Variants in ERCC6L2 observed in about 807,000 individuals in gnomAD.
ERCC6L2 encodes the protein DNA excision repair protein ERCC-6-like 2.
ERCC6L2 carries 77 observed loss-of-function variants against 132.0 expected under a neutral mutation model. That is an observed-to-expected ratio of 0.58 (90% CI 0.49 to 0.71). The LOEUF (loss-of-function observed/expected upper bound fraction) is 0.71. Among genes scored for constraint, ERCC6L2 ranks in the 30% least tolerant of loss-of-function variants. The probability of loss-of-function intolerance (pLI) is 0.00; values close to 1 mark genes in which losing one functional copy is unlikely to be tolerated. For missense variants in ERCC6L2, 1,542 were observed against 1,837.6 expected, an observed-to-expected ratio of 0.84 and a Z score of 2.94; for synonymous variants, 583 against 632.4, an observed-to-expected ratio of 0.92 and a Z score of 1.17.
chr9:95,925,182 A>G (rs942460247), intron 9 of ERCC6L2, among the ~76,000 whole-genome samples: 1 of 152,118 alleles, frequency 6.6e-6, no homozygotes, highest in South Asian at 2.1e-4. Context: ...TACACTTATG[A>G]CCCCACCTCT....
chr9:95,986,482 TCA>T (rs1421509410), intron 17 of ERCC6L2, among the ~76,000 whole-genome samples: 2 of 150,828 alleles, frequency 1.3e-5, no homozygotes, highest in Admixed American at 1.3e-4. Flanking sequence ...ATGATTGTCT[TCA>T]TATATCTCTC....
intron 6 of ERCC6L2, among the ~76,000 whole-genome samples, chr9:95,919,172 T>C (rs1263616160): frequency 6.6e-6 from 1 of 152,164 alleles, no homozygotes; most frequent in African/African-American, 2.4e-5. Context: ...GTGTCTACAT[T>C]TCTGAGCCTG....
At chr9:95,909,061 T>C (rs897809251) in intron 4 of ERCC6L2, among the ~76,000 whole-genome samples, 5 of 152,192 alleles carry the variant, frequency 3.3e-5, no homozygotes, top group African/African-American at 1.2e-4. Flanking sequence ...TTGTGAAAAC[T>C]AGCCCCTCAA....
At chr9:95,894,962 G>C (rs1214730668) in intron 2 of ERCC6L2, among the ~76,000 whole-genome samples, 1 of 152,152 alleles carries the variant, frequency 6.6e-6, no homozygotes, top group Non-Finnish European at 1.5e-5. Flanking sequence ...GTAGTGTGCA[G>C]TGTTCTAGCA....
chr9:95,877,411 A>G (rs953019662), intron 1 of ERCC6L2, among the ~76,000 whole-genome samples: 2 of 151,398 alleles, frequency 1.3e-5, no homozygotes, highest in African/African-American at 4.9e-5. Context: ...TTTAAATTAC[A>G]TTTCTCAATA....
chr9:95,983,194 T>C (rs1832958894), intron 17 of ERCC6L2, among the ~76,000 whole-genome samples: 1 of 152,222 alleles, frequency 6.6e-6, no homozygotes, highest in African/African-American at 2.4e-5. Context: ...AGTCCAGTCC[T>C]TTAATTTTAT....
intron 4 of ERCC6L2, among the ~76,000 whole-genome samples, chr9:95,910,840 TC>T (rs371183919): frequency 0.018 from 2,708 of 152,278 alleles, 86 homozygotes; most frequent in African/African-American, 0.061. Flanking sequence ...AAATAATTTT[TC>T]TAGGCCTTCA....
intron 4 of ERCC6L2, among the ~76,000 whole-genome samples, chr9:95,910,276 ATTG>A (rs939468167): frequency 1.3e-5 from 2 of 152,146 alleles, no homozygotes; most frequent in South Asian, 2.1e-4. Context: ...TGCATTTATG[ATTG>A]TTATTTTTTC....
intron 9 of ERCC6L2, among the ~76,000 whole-genome samples, chr9:95,926,330 A>G (rs555608245): frequency 2.2e-4 from 33 of 152,338 alleles, no homozygotes; most frequent in African/African-American, 7.9e-4. Context: ...CATCCCGACA[A>G]GAACCTATGA....
At chr9:95,985,797 T>C (rs1374412912) in intron 17 of ERCC6L2, among the ~76,000 whole-genome samples, 1 of 152,204 alleles carries the variant, frequency 6.6e-6, no homozygotes, top group Non-Finnish European at 1.5e-5. Context: ...TGACATGAAT[T>C]ATGTACCAAT....
At chr9:95,892,232 T>C (rs1016511804) in intron 2 of ERCC6L2, among the ~76,000 whole-genome samples, 1 of 152,118 alleles carries the variant, frequency 6.6e-6, no homozygotes, top group East Asian at 1.9e-4. Flanking sequence ...ATTAATAAAT[T>C]ACTGCATACT....
chr9:95,928,943 GATTA>G lies in ERCC6L2; in HGVS notation c.1751+83_1751+86del, dbSNP rs1271851452. On this transcript the variant is annotated intron_variant, in intron 11 of 18. Coordinates refer to ENST00000653738, the MANE Select transcript of ERCC6L2 (RefSeq NM_020207.7). ...AGCATAATTTTTAAAACTATTACTG[GATTA>G]ATTTTTAATGGCTATGCTTATTTAG... is the stretch of plus-strand genomic sequence containing the variant. The G allele has an allele frequency of 4.5e-6, 5 of 1,120,618 alleles. No homozygotes were observed. The East Asian group carries it at 1.1e-4, about 26-fold the overall frequency. 69.4% of individuals were successfully genotyped at this position (1,120,618 alleles called of 1,614,324 possible).
At chr9:95,885,073 C>G (rs1827794191) in intron 2 of ERCC6L2, among the ~76,000 whole-genome samples, 1 of 152,136 alleles carries the variant, frequency 6.6e-6, no homozygotes, top group Non-Finnish European at 1.5e-5. Flanking sequence ...AAAATGGAGT[C>G]ACATAATAAC....
intron 4 of ERCC6L2, among the ~76,000 whole-genome samples, chr9:95,911,778 A>G (rs985318280): frequency 1.3e-5 from 2 of 152,058 alleles, no homozygotes; most frequent in African/African-American, 4.8e-5. Flanking sequence ...GTTTTTATCA[A>G]AGTTAATTAT....
At chr9:95,892,769 T>C (rs1828239898) in intron 2 of ERCC6L2, among the ~76,000 whole-genome samples, 1 of 152,214 alleles carries the variant, frequency 6.6e-6, no homozygotes. Flanking sequence ...TTCATATATT[T>C]TGAAGCTCCG....
intron 18 of ERCC6L2, among the ~76,000 whole-genome samples, chr9:96,006,859 G>A (rs978311559): frequency 2.6e-5 from 4 of 152,128 alleles, no homozygotes; most frequent in African/African-American, 9.7e-5. Context: ...TTATAAAGTA[G>A]GAAAGCAAGC....
At chr9:95,894,136 T>A (rs1828317285) in intron 2 of ERCC6L2, among the ~76,000 whole-genome samples, 1 of 152,218 alleles carries the variant, frequency 6.6e-6, no homozygotes, top group South Asian at 2.1e-4. Flanking sequence ...CAGAATCATC[T>A]AACACAATGC....
chr9:96,016,995 G>A lies in ERCC6L2; in HGVS notation c.*3792G>A, dbSNP rs528741516. ...GTGGATCTAGGATCTAGGCCTCACC[G>A]AGGATGTCACTGAACCTGTCAGCCC... On this transcript the variant is annotated 3_prime_UTR_variant, in exon 19 of 19. Transcript: ENST00000653738. 3.3e-5 allele frequency among the ~76,000 whole-genome samples: 5 copies of A among 152,268 alleles called. No individual in the cohort carries two copies. Among genetic ancestry groups the A allele is most frequent in the East Asian group, 3.9e-4 (2 of 5,188 alleles).
intron 16 of ERCC6L2, among the ~76,000 whole-genome samples, chr9:95,977,634 TC>T (rs1417953104): frequency 1.3e-5 from 2 of 151,856 alleles, no homozygotes; most frequent in African/African-American, 4.8e-5. Context: ...CAAACGAAAC[TC>T]CCTGGTCATA....
Sources: allele counts gnomAD v4.1 joint callset (sites outside exome capture counted in the v4.1 genomes callset), GRCh38; gene constraint gnomAD v4.1.1; transcripts MANE v1.5; gene names NCBI Gene and HGNC (gene_info 2026-07-23, HGNC 2026-07-21).